Variants in CAST observed in about 807,000 individuals in gnomAD.
The protein encoded by CAST is calpastatin.
In CAST, 76 loss-of-function variants were observed where a neutral mutation model predicts 119.6. The observed-to-expected ratio is 0.64, with a 90% CI of 0.53 to 0.77. The LOEUF is 0.77. CAST is among the 30% of genes least tolerant of loss of function. The pLI, the probability that CAST is intolerant of heterozygous loss-of-function variation, is 0.00. For synonymous variants in CAST, 319 were observed against 331.6 expected (o/e 0.96, Z 0.41); for missense variants, 953 against 946.5 (o/e 1.01, Z -0.09).
the CAST span, chr5:96,423,593 G>A: frequency 2.9e-5 from 23 of 797,312 alleles, no homozygotes; most frequent in Non-Finnish European, 4.5e-5. Context: ...AGCCAATTCA[G>A]TGAAATGAGA....
At chr5:96,095,589 A>G in the CAST span, among the ~76,000 whole-genome samples, 1 of 111,522 alleles carries the variant, frequency 9.0e-6, no homozygotes, top group East Asian at 2.5e-4. Context: ...AAAAAAAAAG[A>G]CCTATTATAT....
chr5:96,011,616 T>C, the CAST span, among the ~76,000 whole-genome samples: 1 of 152,318 alleles, frequency 6.6e-6, no homozygotes, highest in Non-Finnish European at 1.5e-5. Flanking sequence ...ACACTGTCTA[T>C]TGTAAGTCTC....
the CAST span, among the ~76,000 whole-genome samples, chr5:96,168,454 G>C: frequency 6.6e-6 from 1 of 152,204 alleles, no homozygotes; most frequent in South Asian, 2.1e-4. Context: ...TTTAGAGTCA[G>C]TATAAATATT....
intron 1 of CAST, among the ~76,000 whole-genome samples, chr5:96,587,964 G>GA (rs1746887789): frequency 6.6e-6 from 1 of 152,112 alleles, no homozygotes. Context: ...CCAGCTCGCT[G>GA]AGGCAGCTCA....
At chr5:96,468,805 C>G in the CAST span, among the ~76,000 whole-genome samples, 3 of 152,036 alleles carry the variant, frequency 2.0e-5, no homozygotes, top group Admixed American at 1.3e-4. Context: ...AACACATCTT[C>G]CCCTTCTGTC....
intron 5 of CAST, 106 bp from the exon 6 acceptor site, chr5:96,727,383 C>G: frequency 1.8e-6 from 1 of 564,566 alleles, no homozygotes; most frequent in Non-Finnish European, 3.1e-6. Flanking sequence ...TAAAAATCAT[C>G]TCTTTTGAGT....
At chr5:96,433,789 A>G in the CAST span, among the ~76,000 whole-genome samples, 1 of 152,344 alleles carries the variant, frequency 6.6e-6, no homozygotes, top group East Asian at 1.9e-4. Flanking sequence ...TTAAAGCAAT[A>G]CTATTAAAAA....
chr5:96,738,421 A>G (rs1762067219), intron 11 of CAST, among the ~76,000 whole-genome samples: 2 of 152,140 alleles, frequency 1.3e-5, no homozygotes, highest in Admixed American at 1.3e-4. Context: ...GGGGATGGAA[A>G]TTGTCTTTTG....
At chr5:96,399,390 A>G in the CAST span, among the ~76,000 whole-genome samples, 7 of 152,296 alleles carry the variant, frequency 4.6e-5, no homozygotes, top group East Asian at 1.3e-3. Flanking sequence ...GCAGGTCTTC[A>G]GTATTATTTT....
chr5:96,321,906 C>T, the CAST span, among the ~76,000 whole-genome samples: 1 of 152,190 alleles, frequency 6.6e-6, no homozygotes, highest in Non-Finnish European at 1.5e-5. Context: ...TCTCCCTTCT[C>T]CAAGTAAACT....
intron 1 of CAST, among the ~76,000 whole-genome samples, chr5:96,650,304 G>A (rs1276856502): frequency 6.6e-6 from 1 of 152,166 alleles, no homozygotes; most frequent in Non-Finnish European, 1.5e-5. Context: ...CCCTGTTAGA[G>A]GCCTCAGGTT....
chr5:96,471,862 T>C, the CAST span, among the ~76,000 whole-genome samples: 1 of 151,902 alleles, frequency 6.6e-6, no homozygotes, highest in African/African-American at 2.4e-5. Flanking sequence ...TTTCTACCAT[T>C]TCTCAGAAGA....
chr5:96,400,584 C>T, the CAST span, among the ~76,000 whole-genome samples: 1,453 of 152,326 alleles, frequency 9.5e-3, 29 homozygotes, highest in African/African-American at 0.034. Flanking sequence ...GCACTTTCAG[C>T]ATTATGAACC....
the CAST span, among the ~76,000 whole-genome samples, chr5:96,145,010 C>T: frequency 6.6e-6 from 1 of 152,154 alleles, no homozygotes; most frequent in Non-Finnish European, 1.5e-5. Context: ...GCAAGTTGCT[C>T]TTTTGCTAGT....
At chr5:96,660,589 A>G (rs999172840), upstream of CAST, among the ~76,000 whole-genome samples, 2 of 152,218 alleles carry the variant, frequency 1.3e-5, no homozygotes, top group African/African-American at 4.8e-5. Flanking sequence ...CAGAGTTTGA[A>G]TAAAGTACTC....
the CAST span, among the ~76,000 whole-genome samples, chr5:96,041,998 A>C: frequency 0.018 from 2,683 of 152,236 alleles, 96 homozygotes; most frequent in African/African-American, 0.06. Flanking sequence ...TAAGACAGGG[A>C]AATCAAAGTA....
At chr5:96,507,572 T>C in the CAST span, among the ~76,000 whole-genome samples, 2 of 152,138 alleles carry the variant, frequency 1.3e-5, no homozygotes, top group African/African-American at 4.8e-5. Flanking sequence ...TTCTGAATAT[T>C]AGAGCTGGGA....
At chr5:96,408,396 T>C in the CAST span, 2 of 1,052,164 alleles carry the variant, frequency 1.9e-6, no homozygotes, top group Admixed American at 1.9e-5. Context: ...GGGGGTTAAC[T>C]GTACCAAAGG....
intron 3 of CAST, among the ~76,000 whole-genome samples, chr5:96,700,329 A>T (rs748902403): frequency 6.6e-6 from 1 of 152,246 alleles, no homozygotes; most frequent in Non-Finnish European, 1.5e-5. Flanking sequence ...TTAAGGTTAA[A>T]GTAAATCTAC....
Sources: gnomAD v4.1 joint callset for allele counts (sites outside exome capture counted in the v4.1 genomes callset) on GRCh38, gnomAD v4.1.1 for gene constraint, MANE v1.5 for transcripts, NCBI Gene and HGNC (gene_info 2026-07-23, HGNC 2026-07-21) for gene names.